CEP112: variants seen among roughly 807,000 people sequenced by gnomAD.
CEP112 encodes centrosomal protein 112.
Under a neutral mutation model 153.0 loss-of-function variants are expected in CEP112, and 127 were observed. That is an observed-to-expected ratio of 0.83 (90% confidence interval 0.72 to 0.96). CEP112 has a LOEUF of 0.96. Among genes scored for constraint, CEP112 ranks in the 40% least tolerant of loss-of-function variants. CEP112 has a pLI of 0.00. For missense variants in CEP112, 1,089 were observed against 1,101.2 expected, an observed-to-expected ratio of 0.99 and a Z score of 0.16; for synonymous variants, 358 against 374.4, an observed-to-expected ratio of 0.96 and a Z score of 0.51.
At chr17:66,136,895 T>C (rs1051202087) in intron 4 of CEP112, among the ~76,000 whole-genome samples, 1 of 152,180 alleles carries the variant, frequency 6.6e-6, no homozygotes, top group African/African-American at 2.4e-5. Context: ...CTTGAAGGTC[T>C]GCCCCTGTAC....
At chr17:65,924,695 G>C (rs1247458879) in intron 19 of CEP112, among the ~76,000 whole-genome samples, 1 of 152,032 alleles carries the variant, frequency 6.6e-6, no homozygotes, top group Non-Finnish European at 1.5e-5. Context: ...ATGCTACATA[G>C]CTCTTTCTTA....
intron 20 of CEP112, among the ~76,000 whole-genome samples, chr17:65,859,271 C>T (rs2058223153): frequency 6.6e-6 from 1 of 151,386 alleles, no homozygotes; most frequent in African/African-American, 2.4e-5. Flanking sequence ...CAAAACCCGT[C>T]TCTACTGAAA....
chr17:65,750,559 A>C (rs959583292), intron 22 of CEP112, 103 bp downstream of exon 22: 6 of 891,982 alleles, frequency 6.7e-6, no homozygotes, highest in South Asian at 2.9e-5. Flanking sequence ...ACAAAAAAAA[A>C]CTGAAAAGAA....
chr17:66,050,628 A>T (rs8070489), intron 12 of CEP112, among the ~76,000 whole-genome samples: 2 of 151,940 alleles, frequency 1.3e-5, no homozygotes, highest in Non-Finnish European at 2.9e-5. Flanking sequence ...GTATAAAAAA[A>T]CCCCTTGTAC....
rs554931320 is a variant in CEP112 at position 65,875,556 on chromosome 17, T to A, written c.2164-23522A>T. 1.2e-4 allele frequency among the ~76,000 whole-genome samples: 19 copies of A among 152,314 alleles called. No homozygotes were observed. The South Asian group carries it at 3.7e-3, about 30-fold the overall frequency. Reference sequence around the variant, plus strand: ...TTTCTGCTATAAAAAATATTTAGTTTACTTACACCATTTACTCTTTTTCAC... The same window carrying A: ...TTTCTGCTATAAAAAATATTTAGTTAACTTACACCATTTACTCTTTTTCAC... On this transcript the variant is annotated intron_variant, in intron 20 of 26. Transcript: ENST00000535342.
chr17:65,839,496 C>A (rs9894417), intron 21 of CEP112, among the ~76,000 whole-genome samples: 1 of 151,128 alleles, frequency 6.6e-6, no homozygotes, highest in Non-Finnish European at 1.5e-5. Context: ...CTCAATAAAC[C>A]GTGTATAGTA....
intron 23 of CEP112, among the ~76,000 whole-genome samples, chr17:65,724,812 C>T (rs950953522): frequency 6.6e-6 from 1 of 152,188 alleles, no homozygotes; most frequent in East Asian, 1.9e-4. Flanking sequence ...TCAGCCTAGT[C>T]CTGCCCTAGG....
At chr17:65,856,617 T>C (rs1488096365) in intron 20 of CEP112, among the ~76,000 whole-genome samples, 1 of 152,212 alleles carries the variant, frequency 6.6e-6, no homozygotes, top group Admixed American at 6.5e-5. Flanking sequence ...TTTTTATAGA[T>C]TTGGGAGCAT....
chr17:65,831,418 G>C (rs577248346), intron 21 of CEP112, among the ~76,000 whole-genome samples: 13 of 152,024 alleles, frequency 8.6e-5, no homozygotes, highest in African/African-American at 3.1e-4. Context: ...TTAGCTGGGC[G>C]TGGTGGTGGG....
At chr17:65,755,316 C>T (rs1372693905) in intron 21 of CEP112, among the ~76,000 whole-genome samples, 2 of 149,090 alleles carry the variant, frequency 1.3e-5, no homozygotes, top group East Asian at 1.9e-4. Context: ...AGGTAATACA[C>T]ACTTTCAAAC....
chr17:65,979,085 C>T (rs1370978636), intron 17 of CEP112, among the ~76,000 whole-genome samples: 1 of 151,990 alleles, frequency 6.6e-6, no homozygotes, highest in Non-Finnish European at 1.5e-5. Flanking sequence ...GGAAACCTTG[C>T]CTGCTCTGGA....
chr17:66,095,622 A>G (rs1470386307), intron 8 of CEP112, among the ~76,000 whole-genome samples: 1 of 152,226 alleles, frequency 6.6e-6, no homozygotes, highest in Non-Finnish European at 1.5e-5. Flanking sequence ...GTTAATAACA[A>G]TGGATTGTAT....
intron 24 of CEP112, among the ~76,000 whole-genome samples, chr17:65,647,151 C>G (rs1186946248): frequency 6.7e-6 from 1 of 148,980 alleles, no homozygotes; most frequent in Non-Finnish European, 1.5e-5. Context: ...GTTTATATTC[C>G]TATATATCAC....
chr17:65,955,056 T>C (rs976811183), intron 18 of CEP112, among the ~76,000 whole-genome samples: 7 of 152,166 alleles, frequency 4.6e-5, no homozygotes, highest in African/African-American at 7.2e-5. Flanking sequence ...CCTAGGCACA[T>C]AGTCATCACG....
intron 5 of CEP112, among the ~76,000 whole-genome samples, chr17:66,130,695 G>C (rs1033941477): frequency 6.8e-6 from 1 of 146,926 alleles, no homozygotes; most frequent in Admixed American, 7.0e-5. Flanking sequence ...AGAATGGTGT[G>C]AACCCGGGAG....
chr17:65,750,627 T>C (rs1395881079), intron 22 of CEP112, 35 bp downstream of exon 22: 1 of 1,594,880 alleles, frequency 6.3e-7, no homozygotes, highest in Admixed American at 1.7e-5. Flanking sequence ...TTTGTTTTGG[T>C]TTTACCCTGT....
At chr17:65,991,967 G>A (rs1279801226) in intron 17 of CEP112, among the ~76,000 whole-genome samples, 1 of 151,872 alleles carries the variant, frequency 6.6e-6, no homozygotes, top group Non-Finnish European at 1.5e-5. Flanking sequence ...TAAACTGGAA[G>A]GCTGTCTGCT....
At chr17:65,880,925 C>T (rs922047714) in intron 20 of CEP112, among the ~76,000 whole-genome samples, 1 of 152,026 alleles carries the variant, frequency 6.6e-6, no homozygotes, top group African/African-American at 2.4e-5. Flanking sequence ...ATGATAAAAA[C>T]ACAAAAATGG....
At chr17:65,805,902 C>T (rs1158390117) in intron 21 of CEP112, among the ~76,000 whole-genome samples, 1 of 152,132 alleles carries the variant, frequency 6.6e-6, no homozygotes, top group Non-Finnish European at 1.5e-5. Context: ...TTTCCTGTTT[C>T]AAATGTTTAC....
Sources: allele counts gnomAD v4.1 joint callset (sites outside exome capture counted in the v4.1 genomes callset), GRCh38; gene constraint gnomAD v4.1.1; transcripts MANE v1.5; gene names NCBI Gene and HGNC (gene_info 2026-07-23, HGNC 2026-07-21).